ZNF804A: variants seen among roughly 807,000 people sequenced by gnomAD.
The protein encoded by ZNF804A is zinc finger protein 804A.
In ZNF804A, 2 loss-of-function variants were observed where a neutral mutation model predicts 16.5. The observed-to-expected ratio is 0.12, with a 90% CI of 0.05 to 0.38. The LOEUF (loss-of-function observed/expected upper bound fraction) is 0.38, where lower values mean the gene tolerates loss of function less well. Among genes scored for constraint, ZNF804A ranks in the 10% least tolerant of loss-of-function variants. The pLI is 0.99. For synonymous variants in ZNF804A, 534 were observed against 489.6 expected, an observed-to-expected ratio of 1.09 and a Z score of -1.20; for missense variants, 1,473 against 1,390.7, an observed-to-expected ratio of 1.06 and a Z score of -0.94.
chr2:184,659,839 G>A (rs1457589131), intron 1 of ZNF804A, among the ~76,000 whole-genome samples: 2 of 152,154 alleles, frequency 1.3e-5, no homozygotes, highest in South Asian at 2.1e-4. Flanking sequence ...GTGTAAGTAC[G>A]AAGCACCTTA....
chr2:184,806,728 A>C (rs1694811551), intron 1 of ZNF804A, among the ~76,000 whole-genome samples: 1 of 151,846 alleles, frequency 6.6e-6, no homozygotes, highest in South Asian at 2.1e-4. Flanking sequence ...CTCTTAGGCT[A>C]AAGGATTACT....
At position 184,939,228 on chromosome 2, in the gene ZNF804A, T is replaced by C; in HGVS notation, c.*202T>C. ...CTGATATATAATATTATTAAAGCAC[T>C]GAATAGTTTGAAAATCAATACAATA... On this transcript the variant is annotated 3_prime_UTR_variant, in exon 4 of 4. Transcript: ENST00000302277. The C allele has an allele frequency of 3.6e-6, 2 of 562,682 alleles. No homozygotes were observed. The highest frequency in any genetic ancestry group is 6.1e-6 in the Non-Finnish European group (2 of 328,662). The allele number at this position is 562,682 out of a possible 1,614,324, so 34.9% of individuals were successfully genotyped here.
At chr2:184,818,466 C>T (rs1439203138) in intron 1 of ZNF804A, among the ~76,000 whole-genome samples, 1 of 151,616 alleles carries the variant, frequency 6.6e-6, no homozygotes, top group Non-Finnish European at 1.5e-5. Flanking sequence ...CTGTAATCCA[C>T]AAACCAATGA....
At chr2:184,853,662 T>C (rs1031294693) in intron 1 of ZNF804A, among the ~76,000 whole-genome samples, 2 of 151,878 alleles carry the variant, frequency 1.3e-5, no homozygotes, top group Non-Finnish European at 2.9e-5. Context: ...CATACGGTTT[T>C]TGACCTTCTT....
At chr2:184,761,066 A>T (rs1179821410) in intron 1 of ZNF804A, among the ~76,000 whole-genome samples, 1 of 152,162 alleles carries the variant, frequency 6.6e-6, no homozygotes, top group African/African-American at 2.4e-5. Flanking sequence ...AAAGCCAACT[A>T]ATGTGTTGCT....
chr2:184,665,044 TA>T (rs1475854752), intron 1 of ZNF804A, among the ~76,000 whole-genome samples: 1 of 152,106 alleles, frequency 6.6e-6, no homozygotes, highest in African/African-American at 2.4e-5. Context: ...AAATCACAAA[TA>T]TAGAGAATTT....
At chr2:184,648,098 T>C (rs1014012903) in intron 1 of ZNF804A, among the ~76,000 whole-genome samples, 5 of 152,056 alleles carry the variant, frequency 3.3e-5, no homozygotes, top group Admixed American at 2.0e-4. Flanking sequence ...AGTTAAAGTA[T>C]AAATAATTTT....
At chr2:184,798,086 G>A (rs934296258) in intron 1 of ZNF804A, among the ~76,000 whole-genome samples, 2 of 149,248 alleles carry the variant, frequency 1.3e-5, no homozygotes, top group South Asian at 4.3e-4. Flanking sequence ...CTCCCTTGTA[G>A]GGTTTCTGCT....
chr2:184,703,709 A>AAAAG (rs1553529082), intron 1 of ZNF804A, among the ~76,000 whole-genome samples: 1,482 of 131,286 alleles, frequency 0.011, 40 homozygotes, highest in Non-Finnish European at 0.016. Flanking sequence ...AAAAAAAAAA[A>AAAAG]AAAGAAAGAA....
In ZNF804A at chr2:184,853,292, T is replaced by C. The variant is rs189406065; in HGVS notation, c.112-13077T>C. On this transcript the variant is annotated intron_variant, in intron 1 of 3. Transcript: ENST00000302277. The stretch of plus-strand genomic sequence containing the variant: ...ATGTTGATTGCATATACTACAACTT[T>C]AGTGAATTTATGTATTAGTTCTAAC... Among the ~76,000 whole-genome samples, 29 of 152,062 alleles carry C rather than the reference T, an allele frequency of 1.9e-4. No individual in the cohort carries two copies. The East Asian group carries it at 4.6e-3, about 24-fold the overall frequency.
intron 1 of ZNF804A, among the ~76,000 whole-genome samples, chr2:184,825,257 C>T (rs1442254050): frequency 6.6e-6 from 1 of 151,988 alleles, no homozygotes; most frequent in Non-Finnish European, 1.5e-5. Flanking sequence ...TGAATTAATT[C>T]AGTCATTAAG....
intron 2 of ZNF804A, among the ~76,000 whole-genome samples, chr2:184,899,484 A>G (rs1268545114): frequency 1.3e-5 from 2 of 152,000 alleles, no homozygotes; most frequent in Non-Finnish European, 2.9e-5. Context: ...GGGTGTTCAA[A>G]TGCAGATGGC....
intron 1 of ZNF804A, among the ~76,000 whole-genome samples, chr2:184,625,161 T>G (rs1298932280): frequency 1.3e-5 from 2 of 152,100 alleles, no homozygotes; most frequent in Non-Finnish European, 2.9e-5. Flanking sequence ...AGGACAAAAA[T>G]AATAATAAAT....
At chr2:184,636,308 G>GTT in intron 1 of ZNF804A, among the ~76,000 whole-genome samples, 1 of 109,446 alleles carries the variant, frequency 9.1e-6, no homozygotes, top group Admixed American at 8.2e-5. Context: ...GTTTTCTTTT[G>GTT]TGTGTGTGTG....
intron 1 of ZNF804A, among the ~76,000 whole-genome samples, chr2:184,650,183 A>G (rs565688815): frequency 6.6e-6 from 1 of 152,302 alleles, no homozygotes; most frequent in East Asian, 1.9e-4. Context: ...GTGACTCATT[A>G]TAGAAACATA....
chr2:184,922,819 G>T (rs750923794), intron 2 of ZNF804A, among the ~76,000 whole-genome samples: 6 of 152,178 alleles, frequency 3.9e-5, no homozygotes, highest in African/African-American at 1.4e-4. Flanking sequence ...TGAAGAGACT[G>T]TCATTTCCCC....
intron 2 of ZNF804A, chr2:184,902,081 A>G (rs1440424179): frequency 6.6e-6 from 1 of 152,160 alleles, no homozygotes; most frequent in Non-Finnish European, 1.5e-5. Context: ...GTAAAAAAAT[A>G]TGTACTTAGA....
chr2:184,929,793 T>C lies in ZNF804A; in HGVS notation c.256-3810T>C, dbSNP rs189327229. ...TTTGTACGAAGTTGTTCATGGTCCC[T>C]GATACACACTCTCATCCCCAACATC... On this transcript the variant is annotated intron_variant, in intron 2 of 3. Transcript: ENST00000302277. 2.6e-3 allele frequency among the ~76,000 whole-genome samples: 402 copies of C among 152,288 alleles called. 2 individuals carry two copies. Among genetic ancestry groups the C allele is most frequent in the African/African-American group, 9.3e-3 (385 of 41,574 alleles).
At chr2:184,811,431 C>T (rs1323814317) in intron 1 of ZNF804A, among the ~76,000 whole-genome samples, 1 of 128,512 alleles carries the variant, frequency 7.8e-6, no homozygotes, top group Non-Finnish European at 1.6e-5. Context: ...ATATGTATTA[C>T]TAAGATTATT....
Sources: gnomAD v4.1 joint callset for allele counts (sites outside exome capture counted in the v4.1 genomes callset) on GRCh38, gnomAD v4.1.1 for gene constraint, MANE v1.5 for transcripts, NCBI Gene and HGNC (gene_info 2026-07-23, HGNC 2026-07-21) for gene names.